The following SYNE2 variants were observed in gnomAD, a reference collection of about 807,000 sequenced individuals.
SYNE2 encodes spectrin repeat containing nuclear envelope protein 2.
Under a neutral mutation model 856.3 loss-of-function variants are expected in SYNE2, and 431 were observed. The ratio of observed to expected loss-of-function variants is 0.50; its 90% CI spans 0.47 to 0.55. The LOEUF is 0.55. Among genes scored for constraint, SYNE2 ranks in the 20% least tolerant of loss-of-function variants. The pLI, the probability that SYNE2 is intolerant of heterozygous loss-of-function variation, is 0.00. For missense variants in SYNE2, 8,129 were observed against 8,023.2 expected, an observed-to-expected ratio of 1.01 and a Z score of -0.50; for synonymous variants, 2,923 against 2,872.3, an observed-to-expected ratio of 1.02 and a Z score of -0.56.
At chr14:63,788,083 G>A (rs925074927) in intron 1 of SYNE2, among the ~76,000 whole-genome samples, 12 of 152,202 alleles carry the variant, frequency 7.9e-5, no homozygotes, top group Admixed American at 4.6e-4. Flanking sequence ...GAGGGCTGGC[G>A]TATAAGCACT....
chr14:64,179,810 G>A (rs2098450035), intron 96 of SYNE2, among the ~76,000 whole-genome samples: 2 of 152,048 alleles, frequency 1.3e-5, no homozygotes. Flanking sequence ...CATTGCAAAT[G>A]TCTTTTCCCA....
At chr14:63,779,591 G>A (rs1176635548) in intron 1 of SYNE2, among the ~76,000 whole-genome samples, 2 of 152,030 alleles carry the variant, frequency 1.3e-5, no homozygotes, top group Admixed American at 1.3e-4. Flanking sequence ...CATTGTATTA[G>A]AAATCTTAGC....
chr14:63,812,096 A>G, intron 1 of SYNE2, among the ~76,000 whole-genome samples: 1 of 152,144 alleles, frequency 6.6e-6, no homozygotes, highest in East Asian at 1.9e-4. Flanking sequence ...TCCCCAACCT[A>G]ATAAGCCTGA....
intron 87 of SYNE2, among the ~76,000 whole-genome samples, chr14:64,160,159 A>G (rs2153713007): frequency 6.6e-6 from 1 of 152,366 alleles, no homozygotes. Flanking sequence ...CTCTTGATCC[A>G]GTCTTTATTG....
chr14:63,980,901 T>C, intron 15 of SYNE2, 85 bp from the exon 16 acceptor site: 1 of 1,109,608 alleles, frequency 9.0e-7, no homozygotes. Context: ...ATTTTGCCGC[T>C]GTCAATTAAT....
At chr14:63,800,683 C>A (rs1251543858) in intron 1 of SYNE2, among the ~76,000 whole-genome samples, 1 of 152,136 alleles carries the variant, frequency 6.6e-6, no homozygotes, top group Admixed American at 6.5e-5. Context: ...GAGCTGGAGG[C>A]CATTATTCCT....
rs765074531 is a variant in SYNE2, at chr14:64,076,032, A to G, written c.10954A>G (p.Ile3652Val). ...AATCAAGTATTCCGAAATGTACACC[A>G]TAGTCCCTGCAGAGATTGAATCCCA... ...LRIKYSEMYTIVPAEIESQVE... is the reference protein window; with the variant it reads ...LRIKYSEMYTVVPAEIESQVE... Residue 3652 changes from isoleucine to valine, a missense_variant, in exon 54 of 116, where the codon ATA becomes GTA. Ile to Val is a conservative substitution (Grantham distance 29). Around this residue, in one of 3 missense-constraint regions of SYNE2, gnomAD observed 5,410 missense variants for 5,284.8 expected, o/e 1.02. Coordinates refer to ENST00000555002, the MANE Select transcript of SYNE2 (RefSeq NM_182914.3). 1.9e-6 allele frequency: 3 copies of G among 1,614,000 alleles called. No homozygotes were observed. Among genetic ancestry groups the G allele is most frequent in the South Asian group, 2.2e-5 (2 of 91,080 alleles).
chr14:63,896,400 C>T (rs1448592904), intron 1 of SYNE2, among the ~76,000 whole-genome samples: 1 of 152,200 alleles, frequency 6.6e-6, no homozygotes, highest in Non-Finnish European at 1.5e-5. Flanking sequence ...TAGAACAATG[C>T]AGTTCAGGTT....
intron 108 of SYNE2, 96 bp downstream of exon 108, chr14:64,216,483 TTCCCCAGGCA>T (rs2098667187): frequency 1.5e-6 from 2 of 1,332,816 alleles, no homozygotes; most frequent in African/African-American, 1.4e-5. Flanking sequence ...CGTGTATTCA[TTCCCCAGGCA>T]TATTTTGAGT....
At chr14:63,778,165 A>G (rs1304821479) in intron 1 of SYNE2, among the ~76,000 whole-genome samples, 2 of 152,098 alleles carry the variant, frequency 1.3e-5, no homozygotes, top group African/African-American at 4.8e-5. Flanking sequence ...TGTTCTCCTG[A>G]TAGTGAGTGA....
At chr14:64,152,921 G>A (rs1595870965) in intron 85 of SYNE2, among the ~76,000 whole-genome samples, 2 of 152,280 alleles carry the variant, frequency 1.3e-5, no homozygotes, top group East Asian at 3.9e-4. Context: ...CAATTCCAAC[G>A]TCATTGACAG....
chr14:63,959,287 C>CTTTT (rs34198434), intron 8 of SYNE2, among the ~76,000 whole-genome samples: 130 of 81,382 alleles, frequency 1.6e-3, no homozygotes, highest in African/African-American at 2.6e-3. Context: ...TTTTCTTCTT[C>CTTTT]TTTTTTTTTT....
chr14:64,108,820 C>T (rs1449043181), intron 65 of SYNE2, among the ~76,000 whole-genome samples: 1 of 146,880 alleles, frequency 6.8e-6, no homozygotes, highest in African/African-American at 2.5e-5. Flanking sequence ...AGTGGCAATG[C>T]TTAGGTCTAA....
At position 64,214,407 on chromosome 14, in the gene SYNE2, G is replaced by A. The variant is rs771016763; in HGVS notation, c.19270G>A (p.Asp6424Asn). ...SIPLEWDHTG[D>N]VGGSSSHEED... ...CCCCCTGGAGTGGGACCACACAGGCGACGTGGGGGGCTCCTCCTCTCACGA... is the reference window on the plus strand; with the variant it reads ...CCCCCTGGAGTGGGACCACACAGGCAACGTGGGGGGCTCCTCCTCTCACGA... The change falls in exon 106 of 116, where the codon GAC becomes AAC. Residue 6424 changes from aspartate to asparagine, a missense_variant. By Grantham distance (23) the Asp-to-Asn change is conservative (BLOSUM62 1). This residue lies in a region of SYNE2 where 5,410 missense variants were observed against 5,284.8 expected (regional missense o/e 1.02). Coordinates refer to ENST00000555002, the MANE Select transcript of SYNE2 (RefSeq NM_182914.3). 11 of 1,613,964 alleles carry A rather than the reference G, an allele frequency of 6.8e-6. No homozygotes were observed. In the East Asian group the frequency reaches 8.9e-5, roughly 13 times the overall value.
chr14:64,157,013 C>A (rs1358358111), intron 85 of SYNE2, among the ~76,000 whole-genome samples: 1 of 152,190 alleles, frequency 6.6e-6, no homozygotes, highest in Non-Finnish European at 1.5e-5. Flanking sequence ...CCAAAACTCA[C>A]ATCACACTAC....
intron 6 of SYNE2, among the ~76,000 whole-genome samples, chr14:63,945,104 C>CTTTT: frequency 9.4e-6 from 1 of 106,236 alleles, no homozygotes; most frequent in Non-Finnish European, 1.9e-5. Flanking sequence ...CACACCTGGC[C>CTTTT]TTTTTTTTTT....
intron 80 of SYNE2, among the ~76,000 whole-genome samples, chr14:64,140,855 A>C (rs756858116): frequency 3.3e-5 from 5 of 152,002 alleles, no homozygotes; most frequent in Admixed American, 2.0e-4. Context: ...TTATTGGTCA[A>C]TGCATTTATG....
At position 64,053,694 on chromosome 14, in the gene SYNE2, C is replaced by T. The variant is rs535240730; in HGVS notation, c.9744+37C>T. ...AAATTATGCAGTTAGTGGCTGGGTG[C>T]GGGGGCTCACGCCTGTAATCCCAGC... is the stretch of plus-strand genomic sequence containing the variant. On this transcript the variant is annotated intron_variant, in intron 48 of 115. Transcript: ENST00000555002. 208 of 1,596,264 alleles carry T rather than the reference C, an allele frequency of 1.3e-4. 4 individuals are homozygous for T. The South Asian group carries it at 2.0e-3, about 15-fold the overall frequency.
rs747104170 is a variant in SYNE2, at chr14:63,995,166, T to C, written c.2904T>C (p.Arg968=). ...KQINKEKKLI[R]RGRTKGLIKE... ...TAAATAAAGAAAAGAAACTTATCCGTAGAGGAAGGACCAAGGGTCTCATCA... is the reference window on the plus strand; with the variant it reads ...TAAATAAAGAAAAGAAACTTATCCGCAGAGGAAGGACCAAGGGTCTCATCA... Residue 968 remains arginine (R), a synonymous_variant, in exon 23 of 116, where the codon CGT becomes CGC. Coordinates refer to ENST00000555002, the MANE Select transcript of SYNE2 (RefSeq NM_182914.3). 14 of 1,607,558 alleles carry C rather than the reference T, an allele frequency of 8.7e-6. No individual in the cohort carries two copies. In the South Asian group the frequency reaches 1.4e-4, roughly 17 times the overall value.
Sources: gnomAD v4.1 joint callset for allele counts (sites outside exome capture counted in the v4.1 genomes callset) on GRCh38, gnomAD v4.1.1 for gene constraint, gnomAD v4.1.1 regional missense constraint, MANE v1.5 for transcripts, NCBI Gene and HGNC (gene_info 2026-07-23, HGNC 2026-07-21) for gene names.